KCTD21: variants seen among roughly 807,000 people sequenced by gnomAD.
The protein encoded by KCTD21 is potassium channel tetramerization domain containing 21, also known as BTB/POZ domain-containing protein KCTD21.
A neutral mutation model predicts 13.2 loss-of-function variants in KCTD21; 9 were observed. The ratio of observed to expected loss-of-function variants is 0.68; its 90% confidence interval spans 0.41 to 1.19. KCTD21 has a LOEUF of 1.19. Ranked by LOEUF, KCTD21 falls within the 50% of genes most tolerant of loss-of-function variation. KCTD21 has a pLI of 0.01. For missense variants in KCTD21, 303 were observed against 336.5 expected, an observed-to-expected ratio of 0.90 and a Z score of 0.78; for synonymous variants, 142 against 137.4, an observed-to-expected ratio of 1.03 and a Z score of -0.23.
At chr11:78,182,297 A>AC (rs11344762) in intron 1 of KCTD21, among the ~76,000 whole-genome samples, 7,171 of 129,932 alleles carry the variant, frequency 0.055, 411 homozygotes, top group African/African-American at 0.15. Context: ...ATCCCAAAGC[A>AC]CCCCCCCCCC....
At position 78,173,307 on chromosome 11, in the gene KCTD21, G is replaced by A. The variant is rs529697922; in HGVS notation, c.*465C>T. 29 of 162,070 alleles carry A rather than the reference G, an allele frequency of 1.8e-4. No homozygotes were observed. Among genetic ancestry groups the A allele is most frequent in the Non-Finnish European group, 3.7e-4 (27 of 73,174 alleles). The allele number at this position is 162,070 out of a possible 1,614,324, so 10.0% of individuals were successfully genotyped here. On this transcript the variant is annotated 3_prime_UTR_variant, in exon 2 of 2. Coordinates refer to ENST00000340067, the MANE Select transcript of KCTD21 (RefSeq NM_001029859.3). ...TCCACGATCATGGATGCACCCTGGGGAGGGAGGAGCAGGTGTGACAGGAAC... is the reference window on the plus strand; with the variant it reads ...TCCACGATCATGGATGCACCCTGGGAAGGGAGGAGCAGGTGTGACAGGAAC...
chr11:78,184,697 T>C (rs1862722075), intron 1 of KCTD21, among the ~76,000 whole-genome samples: 2 of 152,130 alleles, frequency 1.3e-5, no homozygotes, highest in Admixed American at 6.5e-5. Flanking sequence ...ATGTACATCT[T>C]GACTGGATCT....
chr11:78,183,502 C>A (rs1862688395), intron 1 of KCTD21, among the ~76,000 whole-genome samples: 1 of 151,572 alleles, frequency 6.6e-6, no homozygotes, highest in Non-Finnish European at 1.5e-5. Flanking sequence ...TGCCACTGCA[C>A]ACCAGCCAGG....
chr11:78,173,853 A>G lies in KCTD21; in HGVS notation c.702T>C (p.Asp234=). 6.2e-7 allele frequency: 1 copy of G among 1,614,218 alleles called. No individual in the cohort carries two copies. Among genetic ancestry groups the G allele is most frequent in the Non-Finnish European group, 8.5e-7 (1 of 1,180,052 alleles). ...VEEVLKIALS[D]GFCIDSSHPH... is the part of the protein sequence containing the mutation. ...GGTGAGAAGAATCGATGCAGAAGCC[A>G]TCGCTCAGAGCGATTTTCAGTACCT... The change falls in exon 2 of 2, where the codon GAT becomes GAC. Residue 234 remains aspartate, a synonymous_variant. Coordinates refer to ENST00000340067, the MANE Select transcript of KCTD21 (RefSeq NM_001029859.3).
At chr11:78,180,445 G>A (rs2137000122) in intron 1 of KCTD21, among the ~76,000 whole-genome samples, 1 of 152,354 alleles carries the variant, frequency 6.6e-6, no homozygotes, top group East Asian at 1.9e-4. Flanking sequence ...CAGATCACTT[G>A]AGGCCAGGAG....
chr11:78,179,960 A>G (rs933742341), intron 1 of KCTD21, among the ~76,000 whole-genome samples: 1 of 152,132 alleles, frequency 6.6e-6, no homozygotes, highest in Non-Finnish European at 1.5e-5. Context: ...TCCTTTGCAC[A>G]TGGCCCTCTT....
chr11:78,188,229 C>G, intron 1 of KCTD21: 1 of 984,806 alleles, frequency 1.0e-6, no homozygotes, highest in Non-Finnish European at 1.2e-6. Flanking sequence ...CCACTCCGAC[C>G]TGACAAGTGC....
intron 1 of KCTD21, chr11:78,186,673 A>G (rs1862784328): frequency 2.0e-6 from 2 of 979,980 alleles, no homozygotes; most frequent in Admixed American, 6.1e-5. Context: ...ATACTATTAT[A>G]TACCTACTTT....
intron 1 of KCTD21, chr11:78,187,109 G>A (rs554192593): frequency 2.9e-5 from 29 of 985,284 alleles, no homozygotes; most frequent in Non-Finnish European, 3.4e-5. Context: ...TTTCCACTGC[G>A]TAAGGGAATG....
intron 1 of KCTD21, chr11:78,187,462 AAGG>A (rs1565389128): frequency 6.1e-6 from 6 of 985,276 alleles, no homozygotes; most frequent in African/African-American, 1.7e-5. Context: ...GGGCTGGAAG[AAGG>A]AGACCACGGA....
chr11:78,176,405 C>A, intron 1 of KCTD21: 1 of 152,242 alleles, frequency 6.6e-6, no homozygotes, highest in East Asian at 1.9e-4. Context: ...TTAACAAAGC[C>A]CCCCTAATCT....
chr11:78,187,411 C>T (rs928968255), intron 1 of KCTD21: 1 of 985,220 alleles, frequency 1.0e-6, no homozygotes, highest in African/African-American at 1.7e-5. Flanking sequence ...GACACAGGGA[C>T]CCCAGAATGA....
chr11:78,178,128 TTTC>T (rs1862508492), intron 1 of KCTD21: 1 of 124,974 alleles, frequency 8.0e-6, no homozygotes, highest in African/African-American at 2.6e-5. Context: ...AAGCCCTTCT[TTTC>T]TTTTTTTTTT....
In KCTD21 at chr11:78,172,315, T is replaced by G. The variant is rs561002158; in HGVS notation, c.*1457A>C. On this transcript the variant is annotated 3_prime_UTR_variant, in exon 2 of 2. Coordinates refer to ENST00000340067, the MANE Select transcript of KCTD21 (RefSeq NM_001029859.3). Reference sequence around the variant, plus strand: ...GGGCAGGGTCTTAGGGGCCGCACATTTACTCTAAGGGCACTGTTACGGTTC... The same window carrying G: ...GGGCAGGGTCTTAGGGGCCGCACATGTACTCTAAGGGCACTGTTACGGTTC... 3 of 152,332 alleles carry G rather than the reference T, an allele frequency of 2.0e-5. No homozygotes were observed. Among genetic ancestry groups the G allele is most frequent in the East Asian group, 3.9e-4 (2 of 5,168 alleles). 9.4% of individuals were successfully genotyped at this position (152,332 alleles called of 1,614,324 possible). A position where few individuals can be genotyped will look rare whatever the true frequency, so the allele number is the denominator to read the frequency against.
chr11:78,180,533 G>A (rs984866734), intron 1 of KCTD21, among the ~76,000 whole-genome samples: 7 of 152,064 alleles, frequency 4.6e-5, no homozygotes, highest in Non-Finnish European at 8.8e-5. Flanking sequence ...CTAGACAAAA[G>A]ATCTAACAAA....
chr11:78,186,323 G>T (rs1029922616), intron 1 of KCTD21, among the ~76,000 whole-genome samples: 1 of 123,326 alleles, frequency 8.1e-6, no homozygotes, highest in Non-Finnish European at 1.6e-5. Flanking sequence ...AGCAAGCCGA[G>T]ATCACGCCAC....
In KCTD21 at chr11:78,172,450, G is replaced by GTA. The variant is rs1862305478; in HGVS notation, c.*1320_*1321dup. 1 of 152,200 alleles carries GTA rather than the reference G, an allele frequency of 6.6e-6. No individual in the cohort carries two copies. The highest frequency in any genetic ancestry group is 1.5e-5 in the Non-Finnish European group (1 of 68,088). The allele number at this position is 152,200 out of a possible 1,614,324, so 9.4% of individuals were successfully genotyped here. ...TCTTCCAGCAGAAAATGGTCGAAAG[G>GTA]TATATGGAGCCACAGATGGTGGGGA... On this transcript the variant is annotated 3_prime_UTR_variant, in exon 2 of 2. Transcript: ENST00000340067.
chr11:78,183,781 G>A (rs893064727), intron 1 of KCTD21, among the ~76,000 whole-genome samples: 5 of 151,166 alleles, frequency 3.3e-5, no homozygotes, highest in Non-Finnish European at 7.4e-5. Flanking sequence ...GACTACAGGC[G>A]CCCGCCACCT....
chr11:78,177,101 C>G (rs566224018), intron 1 of KCTD21: 1 of 152,362 alleles, frequency 6.6e-6, no homozygotes, highest in South Asian at 2.1e-4. Context: ...CCAAAGTCAC[C>G]CAGCAGGGGT....
Sources: allele counts gnomAD v4.1 joint callset (sites outside exome capture counted in the v4.1 genomes callset), GRCh38; gene constraint gnomAD v4.1.1; transcripts MANE v1.5; gene names NCBI Gene and HGNC (gene_info 2026-07-23, HGNC 2026-07-21).